The following ARHGAP6 variants were observed in gnomAD, a reference collection of about 807,000 sequenced individuals.
The protein encoded by ARHGAP6 is Rho GTPase activating protein 6.
Under a neutral mutation model 55.7 loss-of-function variants are expected in ARHGAP6, and 16 were observed. The observed-to-expected ratio is 0.29, with a 90% CI of 0.19 to 0.44. ARHGAP6 has a LOEUF of 0.44. Ranked by LOEUF, ARHGAP6 falls within the 20% of genes least tolerant of loss-of-function variation. ARHGAP6 has a pLI of 1.00. For missense variants in ARHGAP6, 698 were observed against 808.9 expected (o/e 0.86, Z 1.66); for synonymous variants, 382 against 360.9 (o/e 1.06, Z -0.66).
intron 1 of ARHGAP6, among the ~76,000 whole-genome samples, chrX:11,579,449 G>C (rs748831515): frequency 3.8e-4 from 42 of 111,926 alleles, no homozygotes; most frequent in Non-Finnish European, 7.3e-4. Flanking sequence ...AAAAATTATA[G>C]TCCCATTATT....
intron 1 of ARHGAP6, among the ~76,000 whole-genome samples, chrX:11,364,195 C>T (rs1053192977): frequency 4.5e-5 from 5 of 109,999 alleles, no homozygotes; most frequent in African/African-American, 1.7e-4. Context: ...GACACCAGGG[C>T]CTACTTGAGG....
rs189200805 is a variant in ARHGAP6 at position 11,506,923 on chromosome X, T to C, written c.588+157318A>G. ...TGTTATTTCCTGACTTTTTAATGAT[T>C]GCCATTCTAACTGGCATGAGGTGGT... is the stretch of plus-strand genomic sequence containing the variant. On this transcript the variant is annotated intron_variant, in intron 1 of 12. Transcript: ENST00000337414. Among the ~76,000 whole-genome samples the C allele has an allele frequency of 1.6e-3, 178 of 112,015 alleles. 1 individual carries two copies. Among genetic ancestry groups the C allele is most frequent in the African/African-American group, 5.7e-3 (175 of 30,848 alleles).
At chrX:11,421,282 T>C (rs931279149) in intron 1 of ARHGAP6, among the ~76,000 whole-genome samples, 1 of 112,759 alleles carries the variant, frequency 8.9e-6, no homozygotes, top group East Asian at 2.8e-4. Flanking sequence ...TACAATTAAG[T>C]CAGGGTTTCT....
At chrX:11,179,241 G>C in intron 7 of ARHGAP6, 61 bp downstream of exon 7, 1 of 1,043,127 alleles carries the variant, frequency 9.6e-7, no homozygotes, top group Non-Finnish European at 1.3e-6. Flanking sequence ...AAGTTATGAT[G>C]AATGAGTTGG....
intron 1 of ARHGAP6, among the ~76,000 whole-genome samples, chrX:11,316,504 G>A (rs2048360867): frequency 8.9e-6 from 1 of 112,356 alleles, no homozygotes; most frequent in Admixed American, 9.4e-5. Context: ...ATTGTGAAAT[G>A]TCTTCATTAA....
intron 1 of ARHGAP6, chrX:11,300,541 T>C (rs1882270650): frequency 3.2e-6 from 3 of 940,416 alleles, no homozygotes; most frequent in Admixed American, 2.3e-5. Flanking sequence ...AGACATGTTA[T>C]TGTAAATGGT....
At chrX:11,305,518 G>A (rs2048229338) in intron 1 of ARHGAP6, among the ~76,000 whole-genome samples, 1 of 112,311 alleles carries the variant, frequency 8.9e-6, no homozygotes, top group Non-Finnish European at 1.9e-5. Context: ...AATTGTTCCT[G>A]CTTGTTTGAC....
At chrX:11,303,606 G>A (rs886213036) in intron 1 of ARHGAP6, among the ~76,000 whole-genome samples, 13 of 111,865 alleles carry the variant, frequency 1.2e-4, no homozygotes, top group African/African-American at 3.6e-4. Flanking sequence ...AAAAATGAAC[G>A]ATATTAAAAT....
At position 11,148,617 on chromosome X, in the gene ARHGAP6, G is replaced by A. The variant is rs767363073; in HGVS notation, c.1908-4369C>T. 4.4e-5 allele frequency: 16 copies of A among 365,881 alleles called. No homozygotes were observed. The Middle Eastern group carries it at 1.3e-3, about 29-fold the overall frequency. The allele number at this position is 365,881 out of a possible 1,213,427, so 30.2% of individuals were successfully genotyped here. The stretch of plus-strand genomic sequence containing the variant: ...AGCAAGGGATGGGCATGGAGAGCGA[G>A]TCACATTCTCACCCTTAGCTGGTCC... On this transcript the variant is annotated intron_variant, in intron 10 of 12. Transcript: ENST00000337414.
chrX:11,324,605 A>G (rs1013369551), intron 1 of ARHGAP6, among the ~76,000 whole-genome samples: 2 of 110,442 alleles, frequency 1.8e-5, no homozygotes, highest in African/African-American at 6.6e-5. Flanking sequence ...TTAAAAAAAA[A>G]AAAAATCTAA....
chrX:11,422,111 T>C (rs920358424), intron 1 of ARHGAP6, among the ~76,000 whole-genome samples: 4 of 111,612 alleles, frequency 3.6e-5, no homozygotes, highest in Non-Finnish European at 7.5e-5. Context: ...AGACAAACAA[T>C]GAATATATAA....
At chrX:11,355,117 G>A (rs186155755) in intron 1 of ARHGAP6, among the ~76,000 whole-genome samples, 327 of 111,583 alleles carry the variant, frequency 2.9e-3, no homozygotes, top group Non-Finnish European at 4.4e-3. Flanking sequence ...ACAATTGTCC[G>A]ATAAGCTCAA....
rs139569646 is a variant in ARHGAP6 at position 11,514,605 on chromosome X, G to T, written c.588+149636C>A. Reference sequence around the variant, plus strand: ...AATTGCCTCCATTTGAGACCCAATGGCCTCTTATGCCTACTATATCCCATT... The same window carrying T: ...AATTGCCTCCATTTGAGACCCAATGTCCTCTTATGCCTACTATATCCCATT... On this transcript the variant is annotated intron_variant, in intron 1 of 12. Coordinates refer to ENST00000337414, the MANE Select transcript of ARHGAP6 (RefSeq NM_013427.3). Among the ~76,000 whole-genome samples, 326 of 110,191 alleles carry T rather than the reference G, an allele frequency of 3.0e-3. 1 individual carries two copies. The highest frequency in any genetic ancestry group is 0.01 in the African/African-American group (314 of 30,250).
chrX:11,333,425 T>C (rs776001441), intron 1 of ARHGAP6, among the ~76,000 whole-genome samples: 3 of 111,929 alleles, frequency 2.7e-5, no homozygotes, highest in African/African-American at 9.7e-5. Context: ...TCCACCATGA[T>C]TGTAAGTTTC....
chrX:11,391,024 T>C (rs993168941), intron 1 of ARHGAP6, among the ~76,000 whole-genome samples: 25 of 112,240 alleles, frequency 2.2e-4, no homozygotes, highest in Non-Finnish European at 4.3e-4. Context: ...CGTATGTTTA[T>C]TGTGGCACTA....
intron 10 of ARHGAP6, among the ~76,000 whole-genome samples, chrX:11,149,898 A>G (rs1444701718): frequency 8.9e-6 from 1 of 112,020 alleles, no homozygotes; most frequent in Admixed American, 9.5e-5. Flanking sequence ...CAGATCTTCA[A>G]CCATGCTCTT....
intron 1 of ARHGAP6, among the ~76,000 whole-genome samples, chrX:11,651,844 G>C (rs1191730696): frequency 1.8e-5 from 2 of 111,885 alleles, no homozygotes; most frequent in Non-Finnish European, 3.8e-5. Context: ...ACTAGTATGA[G>C]ATGGTATCTC....
At chrX:11,433,191 C>A (rs780575867) in intron 1 of ARHGAP6, among the ~76,000 whole-genome samples, 7 of 112,026 alleles carry the variant, frequency 6.2e-5, no homozygotes, top group Non-Finnish European at 1.3e-4. Flanking sequence ...CAGCATAGTA[C>A]CATTGTCTTT....
chrX:11,489,482 C>T lies in ARHGAP6; in HGVS notation c.588+174759G>A, dbSNP rs149497997. Among the ~76,000 whole-genome samples, 17 of 112,719 alleles carry T rather than the reference C, an allele frequency of 1.5e-4. No homozygotes were observed. The East Asian group carries it at 4.7e-3, about 31-fold the overall frequency. On this transcript the variant is annotated intron_variant, in intron 1 of 12. Transcript: ENST00000337414. The stretch of plus-strand genomic sequence containing the variant: ...ATATGAAATATTTTCAGCTTTTAGG[C>T]CAGTTTCTGTAGCAACAACTCAACT...
Sources: allele counts gnomAD v4.1 joint callset (sites outside exome capture counted in the v4.1 genomes callset), GRCh38; gene constraint gnomAD v4.1.1; transcripts MANE v1.5; gene names NCBI Gene and HGNC (gene_info 2026-07-23, HGNC 2026-07-21).